Variants in ATP8B1 observed in about 807,000 individuals in gnomAD.
ATP8B1 encodes the protein ATPase phospholipid transporting 8B1.
Under a neutral mutation model 149.9 loss-of-function variants are expected in ATP8B1, and 80 were observed. The ratio of observed to expected loss-of-function variants is 0.53; its 90% CI spans 0.45 to 0.64. The LOEUF (loss-of-function observed/expected upper bound fraction) is 0.64. Among genes scored for constraint, ATP8B1 ranks in the 30% least tolerant of loss-of-function variants. The pLI is 0.00. For synonymous variants in ATP8B1, 536 were observed against 562.8 expected (o/e 0.95, Z 0.67); for missense variants, 1,247 against 1,552.6 (o/e 0.80, Z 3.31).
In ATP8B1 at chr18:57,685,120, G is replaced by T. The variant is rs1222344717; in HGVS notation, c.1430-5C>A. ...GAGAGGCATCCCGATGGTCCCCTGA[G>T]AAACAAACAGGACAAAACAAATTGA... On this transcript the variant is annotated splice_polypyrimidine_tract_variant and splice_region_variant and intron_variant, in intron 13 of 27. Transcript: ENST00000648908. 2.5e-6 allele frequency: 4 copies of T among 1,614,144 alleles called. No homozygotes were observed. The highest frequency in any genetic ancestry group is 3.4e-6 in the Non-Finnish European group (4 of 1,180,004).
chr18:57,680,146 G>T (rs1159023717), intron 15 of ATP8B1, among the ~76,000 whole-genome samples: 1 of 151,230 alleles, frequency 6.6e-6, no homozygotes, highest in Non-Finnish European at 1.5e-5. Flanking sequence ...GGTTTGGTGT[G>T]GGCGCCTGTA....
chr18:57,732,629 C>G (rs1408188058), intron 1 of ATP8B1, among the ~76,000 whole-genome samples: 2 of 151,926 alleles, frequency 1.3e-5, no homozygotes, highest in Non-Finnish European at 2.9e-5. Flanking sequence ...ATGGCACGAT[C>G]TCGGCTCACT....
intron 2 of ATP8B1, among the ~76,000 whole-genome samples, chr18:57,721,772 AC>A (rs2079649341): frequency 1.1e-5 from 1 of 92,694 alleles, no homozygotes; most frequent in African/African-American, 4.4e-5. Context: ...AGAACTCTCC[AC>A]CCCAAATCAA....
rs1474438079 is a variant in ATP8B1, at chr18:57,802,300, GA to G, written c.-26+697del. 1.3e-5 allele frequency among the ~76,000 whole-genome samples: 2 copies of G among 152,152 alleles called. No homozygotes were observed. Among genetic ancestry groups the G allele is most frequent in the Non-Finnish European group, 2.9e-5 (2 of 68,014 alleles). ...AGCGCAGGGCACCAAACTGCTGAGG[GA>G]AGGAGATGCCTGCAGCCATCTCAGC... On this transcript the variant is annotated intron_variant, in intron 1 of 27. Coordinates refer to ENST00000648908, the MANE Select transcript of ATP8B1 (RefSeq NM_001374385.1). This position sits in a 1 kb window ranked among gnomAD's most constrained non-coding sequence, Gnocchi z 4.9.
At chr18:57,669,266 T>C (rs989075534) in intron 18 of ATP8B1, 52 bp downstream of exon 18, 24 of 1,521,902 alleles carry the variant, frequency 1.6e-5, no homozygotes, top group Admixed American at 2.1e-5. Context: ...TTAATAAAAA[T>C]TTCAATTCTG....
chr18:57,695,029 CAAAAAAAAAAAA>C, intron 10 of ATP8B1, 130 bp downstream of exon 10: 3 of 281,770 alleles, frequency 1.1e-5, no homozygotes, highest in African/African-American at 1.3e-4. Flanking sequence ...GACTCTGTCT[CAAAAAAAAAAAA>C]AAAAAAAAAA....
At chr18:57,735,000 T>G (rs930728329) in intron 1 of ATP8B1, among the ~76,000 whole-genome samples, 3 of 152,208 alleles carry the variant, frequency 2.0e-5, no homozygotes, top group African/African-American at 7.2e-5. Context: ...GCCAATCATC[T>G]ATTGCCTGAT....
intron 14 of ATP8B1, among the ~76,000 whole-genome samples, 168 bp from the exon 15 acceptor site, chr18:57,684,360 TC>T (rs1001237247): frequency 1.4e-5 from 2 of 148,000 alleles, no homozygotes; most frequent in African/African-American, 5.0e-5. Flanking sequence ...AATAAAAAGC[TC>T]CCCCCCTTTT....
At chr18:57,706,837 C>T (rs1024556333) in intron 2 of ATP8B1, among the ~76,000 whole-genome samples, 1 of 152,120 alleles carries the variant, frequency 6.6e-6, no homozygotes, top group African/African-American at 2.4e-5. Context: ...GAAGACGATG[C>T]GAAGTCACAG....
rs55658113 is a variant in ATP8B1 at position 57,761,112 on chromosome 18, TATAAAATAAAATAAA to T, written c.-25-29295_-25-29281del. 1.3e-3 allele frequency among the ~76,000 whole-genome samples: 180 copies of T among 133,550 alleles called. 2 individuals carry two copies. Among genetic ancestry groups the T allele is most frequent in the Middle Eastern group, 3.7e-3 (1 of 268 alleles). The allele number at this position is 133,550 out of a possible 152,430, so 87.6% of individuals were successfully genotyped here. On this transcript the variant is annotated intron_variant, in intron 1 of 27. Transcript: ENST00000648908. ...AAATAAAATAAAAAATAAAATAAAATATAAAATAAAATAAAATAAAATAAAATAAAATAAAATAAA... is the reference window on the plus strand; with the variant it reads ...AAATAAAATAAAAAATAAAATAAAATATAAAATAAAATAAAATAAAATAAA...
At chr18:57,756,801 A>G (rs2080089799) in intron 1 of ATP8B1, among the ~76,000 whole-genome samples, 1 of 152,208 alleles carries the variant, frequency 6.6e-6, no homozygotes. Context: ...ATCTGGAGGC[A>G]CGTGAGGTCT....
At chr18:57,788,213 G>A (rs1039906674) in intron 1 of ATP8B1, among the ~76,000 whole-genome samples, 6 of 152,268 alleles carry the variant, frequency 3.9e-5, no homozygotes, top group African/African-American at 1.4e-4. Context: ...GAATTACAAT[G>A]AGAGGGTATC....
chr18:57,732,225 G>GTA (rs1568044152), intron 1 of ATP8B1, among the ~76,000 whole-genome samples: 2 of 11,288 alleles, frequency 1.8e-4, no homozygotes, highest in Non-Finnish European at 3.2e-4. Flanking sequence ...GTGTATATAT[G>GTA]TATATATGTG....
At chr18:57,765,702 C>T (rs112904731) in intron 1 of ATP8B1, among the ~76,000 whole-genome samples, 1,605 of 150,648 alleles carry the variant, frequency 0.011, 32 homozygotes, top group African/African-American at 0.036. Flanking sequence ...TAAGGTCAAG[C>T]GCATTGGCTC....
chr18:57,766,210 A>AT (rs1254143863), intron 1 of ATP8B1, among the ~76,000 whole-genome samples: 2 of 151,508 alleles, frequency 1.3e-5, no homozygotes, highest in Non-Finnish European at 2.9e-5. Flanking sequence ...CGCCTGGCTG[A>AT]TTTTTTGTAT....
intron 15 of ATP8B1, among the ~76,000 whole-genome samples, chr18:57,677,850 A>G (rs463295): frequency 0.31 from 46,553 of 152,094 alleles, 7,724 homozygotes; most frequent in East Asian, 0.65. Flanking sequence ...CAGCAAACGC[A>G]TTTCCAGCAG....
intron 25 of ATP8B1, 141 bp downstream of exon 25, chr18:57,652,343 G>C: frequency 1.4e-6 from 2 of 1,460,342 alleles, no homozygotes; most frequent in Non-Finnish European, 1.9e-6. Context: ...AATGTGCTTG[G>C]TATAAGAGAT....
intron 3 of ATP8B1, 21 bp from the exon 4 acceptor site, chr18:57,704,689 C>T: frequency 6.9e-7 from 1 of 1,453,890 alleles, no homozygotes; most frequent in Non-Finnish European, 9.7e-7. Context: ...AAATAAGAGT[C>T]ATTCTAAATG....
At chr18:57,716,702 A>G (rs914048705) in intron 2 of ATP8B1, among the ~76,000 whole-genome samples, 1 of 152,240 alleles carries the variant, frequency 6.6e-6, no homozygotes, top group Non-Finnish European at 1.5e-5. Context: ...ACTAGAGCTA[A>G]AGAGAGTGAT....
Sources: gnomAD v4.1 joint callset for allele counts (sites outside exome capture counted in the v4.1 genomes callset) on GRCh38, gnomAD v4.1.1 for gene constraint, Gnocchi (gnomAD v3.1) non-coding constraint, MANE v1.5 for transcripts, NCBI Gene and HGNC (gene_info 2026-07-23, HGNC 2026-07-21) for gene names.